DHX36: variants seen among roughly 807,000 people sequenced by gnomAD.
DHX36 encodes DEAH-box helicase 36, also known as ATP-dependent DNA/RNA helicase DHX36.
In DHX36, 50 loss-of-function variants were observed where a neutral mutation model predicts 139.0. That is an observed-to-expected ratio of 0.36 (90% CI 0.29 to 0.46). The LOEUF is 0.46. DHX36 is among the 20% of genes least tolerant of loss of function. The pLI is 1.00. For missense variants in DHX36, 1,024 were observed against 1,211.3 expected (o/e 0.85, Z 2.29); for synonymous variants, 425 against 401.9 (o/e 1.06, Z -0.69).
At chr3:154,290,665 G>A (rs570673784) in intron 15 of DHX36, among the ~76,000 whole-genome samples, 186 of 148,846 alleles carry the variant, frequency 1.2e-3, no homozygotes, top group African/African-American at 4.4e-3. Context: ...TAGATGTGAA[G>A]AGGTGACCAT....
chr3:154,307,730 A>T (rs1363403972), intron 5 of DHX36, among the ~76,000 whole-genome samples: 1 of 152,102 alleles, frequency 6.6e-6, no homozygotes, highest in East Asian at 1.9e-4. Context: ...AACTAAAAAT[A>T]GAGCTATCAT....
Position 154,300,646 on chromosome 3 carries a change from A to C in DHX36, c.1409T>G (p.Val470Gly). The C allele has an allele frequency of 6.2e-7, 1 of 1,613,934 alleles. No individual in the cohort carries two copies. Among genetic ancestry groups the C allele is most frequent in the Non-Finnish European group, 8.5e-7 (1 of 1,179,924 alleles). The change falls in exon 11 of 25, where the codon GTT (valine) becomes GGT (glycine). Residue 470 changes from valine to glycine, a missense_variant. Transcript: ENST00000496811. ...DVIEMMEDDK[V>G]DLNLIVALIR... is the part of the protein sequence containing the mutation. ...GAGGGCAACAATCAAATTCAGATCA[A>C]CTTTATCATCCTCCATCATTTCTAT... is the stretch of plus-strand genomic sequence containing the variant.
rs548826403 is a variant in DHX36, at chr3:154,294,192, C to T, written c.1606-380G>A. Among the ~76,000 whole-genome samples the T allele has an allele frequency of 2.0e-5, 3 of 152,158 alleles. No homozygotes were observed. In the South Asian group the frequency reaches 6.2e-4, roughly 32 times the overall value. On this transcript the variant is annotated intron_variant, in intron 13 of 24. Transcript: ENST00000496811. ...TCCATGGGTAAGAACACTGAATAAT[C>T]AGGCAGATGCCCAACCCAGCAGAAC...
intron 2 of DHX36, among the ~76,000 whole-genome samples, chr3:154,315,606 C>T (rs1316401182): frequency 1.3e-5 from 2 of 152,072 alleles, no homozygotes; most frequent in Non-Finnish European, 2.9e-5. Flanking sequence ...TATGTCACAA[C>T]ATCTTTTTTT....
At chr3:154,304,772 C>G in intron 8 of DHX36, 34 bp downstream of exon 8, 3 of 1,436,246 alleles carry the variant, frequency 2.1e-6, no homozygotes, top group Non-Finnish European at 2.8e-6. Flanking sequence ...TTTCTAGTAC[C>G]TTTTCTAATG....
At chr3:154,306,634 A>G (rs1228377280) in intron 5 of DHX36, among the ~76,000 whole-genome samples, 1 of 152,190 alleles carries the variant, frequency 6.6e-6, no homozygotes, top group East Asian at 1.9e-4. Context: ...GTAATTTGAA[A>G]GTAATTACAT....
intron 3 of DHX36, among the ~76,000 whole-genome samples, chr3:154,313,142 G>C (rs1018988681): frequency 2.7e-4 from 41 of 151,564 alleles, no homozygotes; most frequent in African/African-American, 9.4e-4. Flanking sequence ...TAACACCCCA[G>C]GTAGTCAAAT....
rs752874300 is a variant in DHX36, at chr3:154,324,255, G to A, written c.162C>T (p.Pro54=). The A allele has an allele frequency of 3.7e-6, 6 of 1,613,294 alleles. No individual in the cohort carries two copies. In the South Asian group the frequency reaches 5.5e-5, roughly 15 times the overall value. The change falls in exon 1 of 25, where the codon CCC becomes CCT. Residue 54 remains proline, a synonymous_variant. Transcript: ENST00000496811. Reference sequence around the variant, plus strand: ...CGATTTCGCGGCCTTTCAGGTGCCCGGGATGCCGGCCCCTGCCGCCTCGAC... The same window carrying A: ...CGATTTCGCGGCCTTTCAGGTGCCCAGGATGCCGGCCCCTGCCGCCTCGAC... The part of the protein sequence containing the change: ...GGGRGGRGRH[P]GHLKGREIGM...
At chr3:154,306,784 C>A (rs188219880) in intron 5 of DHX36, among the ~76,000 whole-genome samples, 21 of 152,138 alleles carry the variant, frequency 1.4e-4, no homozygotes, top group African/African-American at 4.1e-4. Context: ...CTGATTTGTA[C>A]AACTAAAAGT....
At chr3:154,290,935 C>A (rs1711776541) in intron 15 of DHX36, among the ~76,000 whole-genome samples, 1 of 150,778 alleles carries the variant, frequency 6.6e-6, no homozygotes, top group Non-Finnish European at 1.5e-5. Context: ...GAGATCGAGA[C>A]CATCCCGGCT....
At position 154,276,811 on chromosome 3, in the gene DHX36, T is replaced by A. The variant is rs781438310; in HGVS notation, c.2777A>T (p.Glu926Val). Residue 926 changes from glutamate (E) to valine (V), a missense_variant, in exon 24 of 25, where the codon GAA (glutamate) becomes GTA (valine). Coordinates refer to ENST00000496811, the MANE Select transcript of DHX36 (RefSeq NM_020865.3). ...AATCCACTCATCTACAGCAATAGTT[T>A]CCTGATCGTTATCCTTCTGGATGGA... The part of the protein sequence containing the change: ...DISIQKDNDQ[E>V]TIAVDEWIVF... 6.2e-7 allele frequency: 1 copy of A among 1,613,996 alleles called. No homozygotes were observed. The highest frequency in any genetic ancestry group is 8.5e-7 in the Non-Finnish European group (1 of 1,179,938).
chr3:154,303,410 C>T lies in DHX36; in HGVS notation c.1136G>A (p.Gly379Asp). The T allele has an allele frequency of 6.3e-7, 1 of 1,590,032 alleles. No homozygotes were observed. Among genetic ancestry groups the T allele is most frequent in the Non-Finnish European group, 8.5e-7 (1 of 1,169,914 alleles). The change falls in exon 9 of 25, where the codon GGT becomes GAT. Residue 379 changes from glycine (G) to aspartate (D), a missense_variant and splice_region_variant. Coordinates refer to ENST00000496811, the MANE Select transcript of DHX36 (RefSeq NM_020865.3). ...LNAEKFSEYF[G>D]NCPMIHIPGF... ...AGGTATATGTATCATTGGACAGTTA[C>T]CTATTACGGCAGACAAAATATAAGC...
chr3:154,299,373 T>G (rs912109582), intron 12 of DHX36, among the ~76,000 whole-genome samples: 1 of 137,962 alleles, frequency 7.2e-6, no homozygotes, highest in African/African-American at 2.5e-5. Context: ...CTAAATTTTA[T>G]AGAAAAAAAG....
chr3:154,306,400 T>A, intron 5 of DHX36, 105 bp from the exon 6 acceptor site: 6 of 865,332 alleles, frequency 6.9e-6, no homozygotes, highest in Non-Finnish European at 1.1e-5. Flanking sequence ...TTCAGATTTC[T>A]AAATGAGTTA....
At chr3:154,292,103 G>C (rs752082986) in intron 15 of DHX36, among the ~76,000 whole-genome samples, 14 of 152,214 alleles carry the variant, frequency 9.2e-5, no homozygotes, top group African/African-American at 1.2e-4. Context: ...ATGGGACTTT[G>C]GACAAGTCAT....
chr3:154,309,671 T>C lies in DHX36; in HGVS notation c.795A>G (p.Arg265=). 6.2e-7 allele frequency: 1 copy of C among 1,602,330 alleles called. No homozygotes were observed. The highest frequency in any genetic ancestry group is 8.5e-7 in the Non-Finnish European group (1 of 1,176,916). Residue 265 remains arginine (R), a synonymous_variant, in exon 5 of 25, where the codon AGA becomes AGG. Coordinates refer to ENST00000496811, the MANE Select transcript of DHX36 (RefSeq NM_020865.3). ...SACRIVCTQP[R]RISAISVAER... is the part of the protein sequence containing the mutation. ...TACTTACTGAAATGGCACTAATTCT[T>C]CTTGGCTGAGTACAAACTATTCTGC...
rs753453392 is a variant in DHX36 at position 154,304,856 on chromosome 3, A to G, written c.1085T>C (p.Val362Ala). The G allele has an allele frequency of 1.4e-5, 23 of 1,607,410 alleles. No homozygotes were observed. The South Asian group carries it at 1.9e-4, about 13-fold the overall frequency. Residue 362 changes from valine to alanine, a missense_variant, in exon 8 of 25, where the codon GTA becomes GCA. By Grantham distance (64) the Val-to-Ala change is moderately conservative. This residue lies in a region of DHX36 where 146 missense variants were observed against 215.0 expected (regional missense o/e 0.68). Coordinates refer to ENST00000496811, the MANE Select transcript of DHX36 (RefSeq NM_020865.3). ...ATTCAATGTTGCACTCATCAATATTACTTTCAAGTCAGATCGAAAATTGAG... is the reference window on the plus strand; with the variant it reads ...ATTCAATGTTGCACTCATCAATATTGCTTTCAAGTCAGATCGAAAATTGAG... ...DLLNFRSDLK[V>A]ILMSATLNAE...
chr3:154,278,046 C>G (rs1286360330), intron 22 of DHX36, among the ~76,000 whole-genome samples: 1 of 151,988 alleles, frequency 6.6e-6, no homozygotes, highest in Non-Finnish European at 1.5e-5. Context: ...TTAATGCACA[C>G]TATACCACTG....
chr3:154,311,697 A>G, intron 3 of DHX36, 23 bp from the exon 4 acceptor site: 1 of 1,578,182 alleles, frequency 6.3e-7, no homozygotes. Flanking sequence ...AAAAGTTTTA[A>G]ATTTTCACAG....
Sources: allele counts gnomAD v4.1 joint callset (sites outside exome capture counted in the v4.1 genomes callset), GRCh38; gene constraint gnomAD v4.1.1; regional missense constraint gnomAD v4.1.1; transcripts MANE v1.5; gene names NCBI Gene and HGNC (gene_info 2026-07-23, HGNC 2026-07-21).